Variants in MTRR observed in about 807,000 individuals in gnomAD.
MTRR encodes 5-methyltetrahydrofolate-homocysteine methyltransferase reductase.
Under a neutral mutation model 79.2 loss-of-function variants are expected in MTRR, and 63 were observed. That is an observed-to-expected ratio of 0.80 (90% confidence interval 0.65 to 0.98). The LOEUF (loss-of-function observed/expected upper bound fraction) is 0.98. MTRR is among the 50% of genes least tolerant of loss of function. The probability of loss-of-function intolerance (pLI) is 0.00; values close to 1 mark genes in which losing one functional copy is unlikely to be tolerated. For synonymous variants in MTRR, 355 were observed against 313.3 expected, an observed-to-expected ratio of 1.13 and a Z score of -1.41; for missense variants, 895 against 839.6, an observed-to-expected ratio of 1.07 and a Z score of -0.82.
Position 7,860,846 on chromosome 5 carries a change from T to C in MTRR, n.392-1105T>C, listed in dbSNP as rs575527119. ...ACTTAAGCTCAACCAATCAGAAGCA[T>C]CTCACAAACTAATAATTATATAACT... On this transcript the variant is annotated intron_variant and non_coding_transcript_variant, in intron 1 of 3. Transcript: ENST00000502509. Among the ~76,000 whole-genome samples, 3 of 152,286 alleles carry C rather than the reference T, an allele frequency of 2.0e-5. No homozygotes were observed. The South Asian group carries it at 6.2e-4, about 32-fold the overall frequency.
chr5:7,894,242 A>G (rs1309039003), intron 11 of MTRR, among the ~76,000 whole-genome samples: 1 of 152,238 alleles, frequency 6.6e-6, no homozygotes, highest in Admixed American at 6.5e-5. Context: ...GTGTTTTATT[A>G]CAAATTATAC....
intron 4 of MTRR, among the ~76,000 whole-genome samples, chr5:7,875,774 G>A (rs910902045): frequency 8.5e-5 from 13 of 152,240 alleles, no homozygotes; most frequent in Admixed American, 4.6e-4. Context: ...GCCACACTTC[G>A]CTGTTAGAGA....
chr5:7,881,540 A>G (rs1735598917), intron 5 of MTRR, among the ~76,000 whole-genome samples: 1 of 152,200 alleles, frequency 6.6e-6, no homozygotes, highest in South Asian at 2.1e-4. Context: ...TGGGTAGTCA[A>G]GATTTTTAAG....
intron 1 of MTRR, chr5:7,870,079 C>A: frequency 1.0e-6 from 1 of 985,108 alleles, no homozygotes; most frequent in South Asian, 4.7e-5. Context: ...TGTTTTACTA[C>A]TGCTTATCTC....
chr5:7,858,422 A>G (rs536799422), intron 1 of MTRR, among the ~76,000 whole-genome samples: 13,267 of 152,132 alleles, frequency 0.087, 954 homozygotes, highest in East Asian at 0.21. Context: ...GATACATCAG[A>G]ATCTACCGTG....
chr5:7,899,250 C>T (rs1363962593), intron 14 of MTRR, among the ~76,000 whole-genome samples: 1 of 152,156 alleles, frequency 6.6e-6, no homozygotes, highest in African/African-American at 2.4e-5. Context: ...AGAGGGCACA[C>T]ATCCAAACTG....
At chr5:7,875,643 A>G (rs1734416960) in intron 4 of MTRR, among the ~76,000 whole-genome samples, 1 of 152,166 alleles carries the variant, frequency 6.6e-6, no homozygotes. Context: ...TTTATTTTAA[A>G]CAGTGTAGGT....
chr5:7,868,115 A>T (rs1747170364), upstream of MTRR: 3 of 1,448,460 alleles, frequency 2.1e-6, no homozygotes, highest in African/African-American at 1.4e-5. Flanking sequence ...TAACTAAATT[A>T]AAAAATTTAA....
At position 7,895,778 on chromosome 5, in the gene MTRR, T is replaced by C. The variant is rs1738404887; in HGVS notation, c.1602T>C (p.Asp534=). The change falls in exon 12 of 15, where the codon GAT becomes GAC. Residue 534 remains aspartate, a synonymous_variant. Coordinates refer to ENST00000440940, the MANE Select transcript of MTRR (RefSeq NM_002454.3). ...PRTTNSFHLP[D]DPSIPIIMVG... ...CAACAAATTCTTTCCACTTACCAGATGACCCCTCAATCCCCATCATAATGG... is the reference window on the plus strand; with the variant it reads ...CAACAAATTCTTTCCACTTACCAGACGACCCCTCAATCCCCATCATAATGG... 4 of 1,614,014 alleles carry C rather than the reference T, an allele frequency of 2.5e-6. No individual in the cohort carries two copies. The highest frequency in any genetic ancestry group is 3.4e-6 in the Non-Finnish European group (4 of 1,179,974).
exon 1 of MTRR, chr5:7,851,453 C>G (rs574514821): frequency 2.9e-4 from 46 of 160,742 alleles, no homozygotes; most frequent in African/African-American, 1.0e-3. Flanking sequence ...CAGGCCTTGT[C>G]CACAGGAAGC....
Position 7,895,826 on chromosome 5 carries a change from CCCGTTTATTGGGTT to C in MTRR, c.1653_1666del (p.Phe552ThrfsTer3), listed in dbSNP as rs1738414865. 1 of 1,614,016 alleles carries C rather than the reference CCCGTTTATTGGGTT, an allele frequency of 6.2e-7. No individual in the cohort carries two copies. Among genetic ancestry groups the C allele is most frequent in the Non-Finnish European group, 8.5e-7 (1 of 1,179,998 alleles). ...TGGTGGGTCCAGGAACCGGCATAGC[CCCGTTTATTGGGTT>C]CCTACAACATAGGTATGTTCTTTTT... On this transcript the variant is annotated frameshift_variant, in exon 12 of 15. Transcript: ENST00000440940. LOFTEE classifies it high-confidence loss of function.
chr5:7,888,891 T>C (rs1292821627), intron 8 of MTRR, among the ~76,000 whole-genome samples: 1 of 152,202 alleles, frequency 6.6e-6, no homozygotes, highest in African/African-American at 2.4e-5. Flanking sequence ...GTTTTATTTA[T>C]TTATTTATAT....
chr5:7,896,962 G>A lies in MTRR; in HGVS notation c.1769+6G>A, dbSNP rs775283888. 5.0e-6 allele frequency: 8 copies of A among 1,613,544 alleles called. No individual in the cohort carries two copies. In the Admixed American group the frequency reaches 6.7e-5, roughly 13 times the overall value. ...GATAGGGATTATCTATTCAGGTATT[G>A]TACAATTCCAGTATTGTACTCAACC... On this transcript the variant is annotated splice_donor_region_variant and intron_variant, in intron 13 of 14. Transcript: ENST00000440940.
rs2126771470 is a variant in MTRR at position 7,889,180 on chromosome 5, C to A, written c.1232C>A (p.Ala411Asp). 6.2e-7 allele frequency: 1 copy of A among 1,614,020 alleles called. No individual in the cohort carries two copies. Among genetic ancestry groups the A allele is most frequent in the Non-Finnish European group, 8.5e-7 (1 of 1,180,022 alleles). Residue 411 changes from alanine (A) to aspartate (D), a missense_variant, in exon 9 of 15, where the codon GCC becomes GAC. Transcript: ENST00000440940. ...GAGCTGTGCAGTAAACAAGGGGCAG[C>A]CGATTATAGCCGCTTTGTACGAGAT... ...LQELCSKQGA[A>D]DYSRFVRDAC...
At chr5:7,879,608 C>T (rs1735238284) in intron 5 of MTRR, among the ~76,000 whole-genome samples, 1 of 151,372 alleles carries the variant, frequency 6.6e-6, no homozygotes, top group South Asian at 2.1e-4. Flanking sequence ...AAATAATATA[C>T]TGAGAGAGTA....
chr5:7,859,573 C>A (rs746208574), intron 1 of MTRR: 3 of 1,360,286 alleles, frequency 2.2e-6, no homozygotes, highest in Non-Finnish European at 2.1e-6. Context: ...TGGTCAAGAT[C>A]CTTCAAAATC....
chr5:7,870,145 A>G, intron 1 of MTRR: 1 of 894,542 alleles, frequency 1.1e-6, no homozygotes, highest in South Asian at 5.1e-5. Flanking sequence ...TTTTTTCGTT[A>G]TATGCACCCG....
chr5:7,872,026 A>G (rs1748076942), intron 2 of MTRR, among the ~76,000 whole-genome samples: 1 of 151,886 alleles, frequency 6.6e-6, no homozygotes, highest in African/African-American at 2.4e-5. Flanking sequence ...TAACACCAAG[A>G]TAGTCATGCT....
intron 14 of MTRR, among the ~76,000 whole-genome samples, chr5:7,898,978 G>C (rs1739003680): frequency 6.6e-6 from 1 of 152,086 alleles, no homozygotes; most frequent in Admixed American, 6.6e-5. Flanking sequence ...ACCTGCTTCT[G>C]GTGAAGACCC....
Sources: gnomAD v4.1 joint callset for allele counts (sites outside exome capture counted in the v4.1 genomes callset) on GRCh38, gnomAD v4.1.1 for gene constraint, MANE v1.5 for transcripts, NCBI Gene and HGNC (gene_info 2026-07-23, HGNC 2026-07-21) for gene names.